Variants in CDYL observed in about 807,000 individuals in gnomAD.
The protein encoded by CDYL is chromodomain Y like.
A neutral mutation model predicts 47.3 loss-of-function variants in CDYL; 8 were observed. The observed-to-expected ratio is 0.17, with a 90% CI of 0.10 to 0.31. CDYL has a LOEUF of 0.31. Among genes scored for constraint, CDYL ranks in the 10% least tolerant of loss-of-function variants. The pLI is 1.00. For synonymous variants in CDYL, 266 were observed against 265.0 expected, an observed-to-expected ratio of 1.00 and a Z score of -0.04; for missense variants, 471 against 701.4, an observed-to-expected ratio of 0.67 and a Z score of 3.71.
chr6:4,725,033 A>G (rs1757480891), intron 2 of CDYL: 1 of 151,974 alleles, frequency 6.6e-6, no homozygotes, highest in South Asian at 2.1e-4. Context: ...TGCCTTTACA[A>G]TCCCTGAGCT....
intron 2 of CDYL, among the ~76,000 whole-genome samples, chr6:4,913,523 T>C (rs140088250): frequency 2.3e-3 from 352 of 152,356 alleles, no homozygotes; most frequent in Middle Eastern, 6.8e-3. Context: ...CTTCCATCTT[T>C]AAGCAGATAA....
At position 4,950,356 on chromosome 6, in the gene CDYL, C is replaced by A. The variant is rs565474504; in HGVS notation, c.1333-1910C>A. Among the ~76,000 whole-genome samples the A allele has an allele frequency of 6.0e-4, 91 of 152,310 alleles. 1 individual carries two copies. Among genetic ancestry groups the A allele is most frequent in the African/African-American group, 1.8e-3 (73 of 41,568 alleles). The stretch of plus-strand genomic sequence containing the variant: ...CTAAGCTGGTCCTGAGAACATACTT[C>A]ATGCTCAACTTCAGGGATGTGGCTG... On this transcript the variant is annotated intron_variant, in intron 5 of 6. Coordinates refer to ENST00000397588, the MANE Select transcript of CDYL (RefSeq NM_004824.4).
intron 1 of CDYL, among the ~76,000 whole-genome samples, chr6:4,830,409 C>G (rs957444849): frequency 5.3e-5 from 8 of 152,062 alleles, no homozygotes; most frequent in Admixed American, 4.6e-4. Context: ...TTCCCCAGCC[C>G]CCTGCTATAT....
intron 1 of CDYL, among the ~76,000 whole-genome samples, chr6:4,780,172 C>G (rs62384855): frequency 0.093 from 14,060 of 151,682 alleles, 711 homozygotes; most frequent in Middle Eastern, 0.14. Flanking sequence ...CAGCTCTAGA[C>G]TTAGAGCTGG....
At chr6:4,755,990 TC>T (rs2127421352) in intron 3 of CDYL, among the ~76,000 whole-genome samples, 1 of 152,326 alleles carries the variant, frequency 6.6e-6, no homozygotes, top group South Asian at 2.1e-4. Context: ...GGTTTTTCCC[TC>T]CTCCTTATTA....
intron 3 of CDYL, among the ~76,000 whole-genome samples, chr6:4,753,193 G>A (rs1758024949): frequency 1.3e-5 from 2 of 152,288 alleles, no homozygotes. Flanking sequence ...TGGAAAGCAT[G>A]AGCCACGGTG....
chr6:4,773,240 G>GT (rs1446731552), upstream of CDYL: 1 of 456,764 alleles, frequency 2.2e-6, no homozygotes, highest in African/African-American at 2.0e-5. This position sits in a 1 kb window ranked among gnomAD's most constrained non-coding sequence, Gnocchi z 4.6. Flanking sequence ...CGTCTCTCTT[G>GT]TTGACCACTT....
chr6:4,894,870 C>T (rs13215207), intron 2 of CDYL, among the ~76,000 whole-genome samples: 149 of 19,506 alleles, frequency 7.6e-3, no homozygotes, highest in African/African-American at 9.6e-3. Context: ...TGTGTATATA[C>T]ACACATGTGT....
At chr6:4,843,471 G>C (rs893410946) in intron 1 of CDYL, among the ~76,000 whole-genome samples, 1 of 147,780 alleles carries the variant, frequency 6.8e-6, no homozygotes, top group Non-Finnish European at 1.5e-5. Context: ...CTTAGGATTG[G>C]CCATTTAACA....
At chr6:4,777,722 A>G (rs1758508827) in intron 1 of CDYL, among the ~76,000 whole-genome samples, 1 of 152,170 alleles carries the variant, frequency 6.6e-6, no homozygotes, top group African/African-American at 2.4e-5. Flanking sequence ...GGACTTAAGG[A>G]AGCATCTGTA....
chr6:4,784,606 G>A (rs887896830), intron 1 of CDYL, among the ~76,000 whole-genome samples: 1 of 152,082 alleles, frequency 6.6e-6, no homozygotes, highest in African/African-American at 2.4e-5. Context: ...GTCTTTGTTC[G>A]GCATGCCTTG....
At chr6:4,905,777 T>C (rs1757217093) in intron 2 of CDYL, among the ~76,000 whole-genome samples, 1 of 152,198 alleles carries the variant, frequency 6.6e-6, no homozygotes. Context: ...TTTTATTTGT[T>C]CCCCTTTTTA....
chr6:4,829,513 C>T (rs1264185791), intron 1 of CDYL, among the ~76,000 whole-genome samples: 4 of 152,332 alleles, frequency 2.6e-5, no homozygotes. Context: ...AGAAACTTCT[C>T]AGGTCTTTCT....
At chr6:4,900,612 A>G (rs1420300565) in intron 2 of CDYL, among the ~76,000 whole-genome samples, 1 of 151,788 alleles carries the variant, frequency 6.6e-6, no homozygotes, top group Non-Finnish European at 1.5e-5. Context: ...AGCTGAAAAG[A>G]TTGTGAGTAC....
chr6:4,752,156 C>T lies in CDYL; in HGVS notation c.186+17312C>T, dbSNP rs185897182. ...GCAGACTCTTGCCCACGTTAATATTCGCAGCATATCCTGGGTGGGTGCTCC... is the reference window on the plus strand; with the variant it reads ...GCAGACTCTTGCCCACGTTAATATTTGCAGCATATCCTGGGTGGGTGCTCC... On this transcript the variant is annotated intron_variant, in intron 3 of 8. Transcript: ENST00000328908. 8.4e-4 allele frequency among the ~76,000 whole-genome samples: 128 copies of T among 152,246 alleles called. 1 individual carries two copies. The highest frequency in any genetic ancestry group is 3.0e-3 in the African/African-American group (123 of 41,548).
intron 1 of CDYL, among the ~76,000 whole-genome samples, chr6:4,811,131 C>G (rs1489802594): frequency 6.6e-6 from 1 of 152,158 alleles, no homozygotes; most frequent in Non-Finnish European, 1.5e-5. Context: ...ATAGAGGGGA[C>G]ATTTTTGCAT....
rs181596830 is a variant in CDYL, at chr6:4,809,933, A to G, written c.24+33126A>G. Reference sequence around the variant, plus strand: ...ATACTTTGTATGGTAGGGGTATTATATTAGTCCTTGGCGATATTTTGTATG... The same window carrying G: ...ATACTTTGTATGGTAGGGGTATTATGTTAGTCCTTGGCGATATTTTGTATG... On this transcript the variant is annotated intron_variant, in intron 1 of 6. Transcript: ENST00000397588. Among the ~76,000 whole-genome samples the G allele has an allele frequency of 3.8e-3, 567 of 150,162 alleles. 3 individuals carry two copies. The highest frequency in any genetic ancestry group is 0.012 in the African/African-American group (480 of 40,436).
intron 2 of CDYL, among the ~76,000 whole-genome samples, chr6:4,717,744 A>G (rs901587663): frequency 6.7e-6 from 1 of 148,646 alleles, no homozygotes; most frequent in Non-Finnish European, 1.5e-5. Flanking sequence ...AAAAAAATTA[A>G]AAATTGAAAG....
At chr6:4,785,106 T>TTGCC (rs1411848273) in intron 1 of CDYL, among the ~76,000 whole-genome samples, 1 of 152,240 alleles carries the variant, frequency 6.6e-6, no homozygotes, top group South Asian at 2.1e-4. Flanking sequence ...TGTGTTAAAA[T>TTGCC]TGCCTACAGT....
Sources: gnomAD v4.1 joint callset for allele counts (sites outside exome capture counted in the v4.1 genomes callset) on GRCh38, gnomAD v4.1.1 for gene constraint, Gnocchi (gnomAD v3.1) non-coding constraint, MANE v1.5 for transcripts, NCBI Gene and HGNC (gene_info 2026-07-23, HGNC 2026-07-21) for gene names.